Variants in FER observed in about 807,000 individuals in gnomAD.
The protein encoded by FER is tyrosine-protein kinase Fer.
A neutral mutation model predicts 111.0 loss-of-function variants in FER; 63 were observed. The observed-to-expected ratio is 0.57, with a 90% CI of 0.46 to 0.70. The LOEUF (loss-of-function observed/expected upper bound fraction) is 0.70. Among genes scored for constraint, FER ranks in the 30% least tolerant of loss-of-function variants. The pLI is 0.00. For synonymous variants in FER, 327 were observed against 313.9 expected (o/e 1.04, Z -0.44); for missense variants, 914 against 954.0 (o/e 0.96, Z 0.55).
chr5:108,916,346 C>G (rs1752256944), intron 10 of FER, among the ~76,000 whole-genome samples: 1 of 152,068 alleles, frequency 6.6e-6, no homozygotes, highest in South Asian at 2.1e-4. Context: ...TTACTTGATT[C>G]ATTCCAAATT....
chr5:109,010,823 G>A (rs1766168522), intron 13 of FER, among the ~76,000 whole-genome samples: 1 of 152,032 alleles, frequency 6.6e-6, no homozygotes, highest in South Asian at 2.1e-4. Flanking sequence ...ATTATTCTTT[G>A]TATTTTAATA....
chr5:108,998,398 G>C (rs915028256), intron 13 of FER, among the ~76,000 whole-genome samples: 1 of 152,062 alleles, frequency 6.6e-6, no homozygotes, highest in Non-Finnish European at 1.5e-5. Flanking sequence ...GGCCAGGGGA[G>C]GGAAATTCGC....
rs545341273 is a variant in FER, at chr5:108,838,070, T to A, written c.481+2263T>A. Among the ~76,000 whole-genome samples, 3 of 152,320 alleles carry A rather than the reference T, an allele frequency of 2.0e-5. No individual in the cohort carries two copies. The South Asian group carries it at 6.2e-4, about 32-fold the overall frequency. On this transcript the variant is annotated intron_variant, in intron 5 of 19. Coordinates refer to ENST00000281092, the MANE Select transcript of FER (RefSeq NM_005246.4). The stretch of plus-strand genomic sequence containing the variant: ...TAAACTTTTCTTTTATAATCAAAAC[T>A]GTGTTTATACTCATATTTAAATGAA...
intron 3 of FER, among the ~76,000 whole-genome samples, chr5:108,812,892 T>C (rs1412091257): frequency 6.7e-6 from 1 of 149,656 alleles, no homozygotes; most frequent in Non-Finnish European, 1.5e-5. Flanking sequence ...TGTTACAGCT[T>C]TTAATTATAT....
At chr5:109,115,611 T>G (rs976217211) in intron 17 of FER, among the ~76,000 whole-genome samples, 4 of 152,152 alleles carry the variant, frequency 2.6e-5, no homozygotes, top group Non-Finnish European at 4.4e-5. Flanking sequence ...TCTCTGTAAG[T>G]AAGTTTCCTG....
At chr5:108,833,058 G>A in intron 4 of FER, 115 bp downstream of exon 4, 1 of 853,250 alleles carries the variant, frequency 1.2e-6, no homozygotes, top group East Asian at 2.7e-5. Flanking sequence ...CAAGAAATAG[G>A]TTTATGGTCT....
intron 10 of FER, among the ~76,000 whole-genome samples, chr5:108,902,997 A>G (rs913849346): frequency 1.3e-4 from 20 of 152,004 alleles, no homozygotes; most frequent in South Asian, 2.1e-4. Flanking sequence ...TTCAATTAGT[A>G]TATGCTGAAT....
At chr5:108,927,791 C>A (rs772103463) in intron 10 of FER, among the ~76,000 whole-genome samples, 1 of 152,124 alleles carries the variant, frequency 6.6e-6, no homozygotes, top group Non-Finnish European at 1.5e-5. Context: ...GGAAGACCCA[C>A]CTAAAATTTA....
At chr5:108,917,775 A>G (rs1313694751) in intron 10 of FER, among the ~76,000 whole-genome samples, 4 of 152,222 alleles carry the variant, frequency 2.6e-5, no homozygotes, top group African/African-American at 9.6e-5. Flanking sequence ...TAGAATGACC[A>G]TGTCTGGGAG....
At chr5:109,026,167 TAAG>T (rs1212789555) in intron 13 of FER, among the ~76,000 whole-genome samples, 20 of 152,116 alleles carry the variant, frequency 1.3e-4, no homozygotes, top group Non-Finnish European at 2.9e-4. Context: ...ACATTAAAAA[TAAG>T]AACCAATTAA....
chr5:109,131,493 ATTAG>A (rs1243090533), intron 17 of FER, among the ~76,000 whole-genome samples: 1 of 152,152 alleles, frequency 6.6e-6, no homozygotes, highest in African/African-American at 2.4e-5. Context: ...CATTAATAAT[ATTAG>A]TTATGATAAT....
Position 109,173,440 on chromosome 5 carries a change from G to A in FER, c.2049-7307G>A, listed in dbSNP as rs537631616. Among the ~76,000 whole-genome samples the A allele has an allele frequency of 9.8e-5, 15 of 152,356 alleles. No individual in the cohort carries two copies. In the South Asian group the frequency reaches 2.5e-3, roughly 25 times the overall value. On this transcript the variant is annotated intron_variant, in intron 17 of 19. Coordinates refer to ENST00000281092, the MANE Select transcript of FER (RefSeq NM_005246.4). ...CAGTAGGATCTTCCTCTGCTATTGAGACGAAATAACCCGATAGAGAATAAA... is the reference window on the plus strand; with the variant it reads ...CAGTAGGATCTTCCTCTGCTATTGAAACGAAATAACCCGATAGAGAATAAA...
intron 2 of FER, 67 bp from the exon 3 acceptor site, chr5:108,798,057 C>CTTTTT: frequency 4.1e-6 from 2 of 482,586 alleles, no homozygotes; most frequent in Non-Finnish European, 7.1e-6. Flanking sequence ...TCTATCATAA[C>CTTTTT]TTTTTTTTTT....
At chr5:109,033,310 G>T (rs1400198749) in intron 13 of FER, among the ~76,000 whole-genome samples, 1 of 152,136 alleles carries the variant, frequency 6.6e-6, no homozygotes, top group Non-Finnish European at 1.5e-5. Context: ...GAAATATGTA[G>T]TATAATCACT....
chr5:108,776,075 T>G (rs1480525610), intron 2 of FER, among the ~76,000 whole-genome samples: 1 of 152,196 alleles, frequency 6.6e-6, no homozygotes, highest in African/African-American at 2.4e-5. Flanking sequence ...TATTTTATAG[T>G]CTTTATACAA....
chr5:108,949,317 A>G lies in FER; in HGVS notation c.1329+3095A>G, dbSNP rs2149636266. Among the ~76,000 whole-genome samples the G allele has an allele frequency of 3.3e-5, 5 of 152,184 alleles. 1 individual carries two copies. The South Asian group carries it at 1.0e-3, about 32-fold the overall frequency. ...AGGCACGTTGTCAAGTTCAGGTTAA[A>G]TAGTATACATTTTAAATATATCAGT... On this transcript the variant is annotated intron_variant, in intron 11 of 19. Coordinates refer to ENST00000281092, the MANE Select transcript of FER (RefSeq NM_005246.4).
At chr5:108,871,094 T>C (rs1412885331) in intron 6 of FER, among the ~76,000 whole-genome samples, 1 of 152,130 alleles carries the variant, frequency 6.6e-6, no homozygotes, top group Admixed American at 6.6e-5. Flanking sequence ...TGGCCCTGCA[T>C]TTTGGACATA....
chr5:109,124,795 C>T (rs1284920180), intron 17 of FER, among the ~76,000 whole-genome samples: 1 of 151,918 alleles, frequency 6.6e-6, no homozygotes, highest in East Asian at 1.9e-4. Flanking sequence ...GCCTGTAATC[C>T]CAGCACTTTG....
intron 16 of FER, among the ~76,000 whole-genome samples, chr5:109,066,888 A>G (rs1344022221): frequency 6.6e-6 from 1 of 152,206 alleles, no homozygotes; most frequent in Non-Finnish European, 1.5e-5. Flanking sequence ...TCAAATTTTG[A>G]TATGAAAAAA....
Sources: gnomAD v4.1 joint callset for allele counts (sites outside exome capture counted in the v4.1 genomes callset) on GRCh38, gnomAD v4.1.1 for gene constraint, MANE v1.5 for transcripts, NCBI Gene and HGNC (gene_info 2026-07-23, HGNC 2026-07-21) for gene names.